Variants in STX3 observed in about 807,000 individuals in gnomAD.
STX3 encodes syntaxin-3.
A neutral mutation model predicts 40.2 loss-of-function variants in STX3; 19 were observed. The ratio of observed to expected loss-of-function variants is 0.47; its 90% CI spans 0.33 to 0.69. The LOEUF is 0.69. STX3 is among the 30% of genes least tolerant of loss of function. The probability of loss-of-function intolerance (pLI) is 0.02; values close to 1 mark genes in which losing one functional copy is unlikely to be tolerated. For synonymous variants in STX3, 122 were observed against 132.2 expected (o/e 0.92, Z 0.53); for missense variants, 364 against 366.7 (o/e 0.99, Z 0.06).
At position 59,799,622 on chromosome 11, in the gene STX3, C is replaced by T. The variant is rs1269173229; in HGVS notation, c.*31-1233C>T. The T allele has an allele frequency of 5.1e-6, 5 of 981,898 alleles. No homozygotes were observed. In the African/African-American group the frequency reaches 5.2e-5, roughly 10 times the overall value. The allele number at this position is 981,898 out of a possible 1,614,324, so 60.8% of individuals were successfully genotyped here. A position where few individuals can be genotyped will look rare whatever the true frequency, so the allele number is the denominator to read the frequency against. ...GTATAAACATTTTTAAGACTTGGCA[C>T]ATAATACCATGCCAGTACCCAGAGC... is the stretch of plus-strand genomic sequence containing the variant. On this transcript the variant is annotated intron_variant, in intron 10 of 10. Transcript: ENST00000337979.
chr11:59,781,994 T>A (rs568463757), intron 2 of STX3, among the ~76,000 whole-genome samples: 1 of 152,318 alleles, frequency 6.6e-6, no homozygotes, highest in South Asian at 2.1e-4. Context: ...CCTGGGAGTT[T>A]AGGAGAGGCC....
chr11:59,773,680 T>C (rs922448815), intron 2 of STX3, among the ~76,000 whole-genome samples: 1 of 152,150 alleles, frequency 6.6e-6, no homozygotes, highest in African/African-American at 2.4e-5. Flanking sequence ...ATCAAATGTG[T>C]AGTTTTGAAA....
rs1866016333 is a variant in STX3, at chr11:59,804,798, A to G, written c.*3974A>G. On this transcript the variant is annotated 3_prime_UTR_variant, in exon 11 of 11. Coordinates refer to ENST00000337979, the MANE Select transcript of STX3 (RefSeq NM_004177.5). ...CACTCTGTGAACCATAACAAAGAAC[A>G]GATAAAGGTGTCAAGTGAGAAAGGT... The G allele has an allele frequency of 1.3e-5, 2 of 152,166 alleles. No homozygotes were observed. Among genetic ancestry groups the G allele is most frequent in the African/African-American group, 4.8e-5 (2 of 41,412 alleles). The allele number at this position is 152,166 out of a possible 1,614,324, so 9.4% of individuals were successfully genotyped here. A position where few individuals can be genotyped will look rare whatever the true frequency, so the allele number is the denominator to read the frequency against.
chr11:59,791,783 T>A (rs769582554), intron 5 of STX3, among the ~76,000 whole-genome samples: 8 of 152,146 alleles, frequency 5.3e-5, no homozygotes, highest in Non-Finnish European at 8.8e-5. Context: ...AGTTTTAGAA[T>A]GCAAGCCAAG....
rs917247410 is a variant in STX3, at chr11:59,756,810, G to A, written c.30+1175G>A. On this transcript the variant is annotated intron_variant, in intron 1 of 10. Transcript: ENST00000337979. The stretch of plus-strand genomic sequence containing the variant: ...AGATGCTTAAGAACACTTTTAGGGT[G>A]CATGGCACGGGGGACTTAATAAATG... 7.9e-5 allele frequency among the ~76,000 whole-genome samples: 12 copies of A among 152,362 alleles called. 1 individual carries two copies. The South Asian group carries it at 2.5e-3, about 32-fold the overall frequency.
intron 8 of STX3, among the ~76,000 whole-genome samples, chr11:59,794,092 TTC>T (rs1865375613): frequency 6.6e-6 from 1 of 152,166 alleles, no homozygotes; most frequent in South Asian, 2.1e-4. Flanking sequence ...TCCATTTTTT[TTC>T]TGTTTGTATT....
At chr11:59,778,904 G>A (rs1170033477) in intron 2 of STX3, among the ~76,000 whole-genome samples, 14 of 143,688 alleles carry the variant, frequency 9.7e-5, no homozygotes, top group Non-Finnish European at 1.1e-4. Context: ...GTGTGATCTC[G>A]GCTCACTGCA....
rs1865892248 is a variant in STX3, at chr11:59,801,665, G to C, written c.*841G>C. 1 of 985,740 alleles carries C rather than the reference G, an allele frequency of 1.0e-6. No homozygotes were observed. Among genetic ancestry groups the C allele is most frequent in the Non-Finnish European group, 1.2e-6 (1 of 829,940 alleles). 61.1% of individuals were successfully genotyped at this position (985,740 alleles called of 1,614,324 possible). On this transcript the variant is annotated 3_prime_UTR_variant, in exon 11 of 11. Transcript: ENST00000337979. The stretch of plus-strand genomic sequence containing the variant: ...ATCAGGGATTTTAAATTGGGCAAGG[G>C]ACAAGGTGCTAGAATCCTAAGCTCT...
At chr11:59,760,477 C>T (rs985840827) in intron 1 of STX3, among the ~76,000 whole-genome samples, 3 of 151,452 alleles carry the variant, frequency 2.0e-5, no homozygotes, top group Admixed American at 6.6e-5. Context: ...AACCACTGTC[C>T]GTTGCTTTTT....
At chr11:59,781,827 C>T in intron 2 of STX3, 1 of 1,079,162 alleles carries the variant, frequency 9.3e-7, no homozygotes, top group Non-Finnish European at 1.3e-6. Flanking sequence ...ATGAAGACTG[C>T]TTGGGATTCT....
intron 1 of STX3, among the ~76,000 whole-genome samples, chr11:59,772,586 T>C (rs1863715796): frequency 6.6e-6 from 1 of 152,206 alleles, no homozygotes; most frequent in Non-Finnish European, 1.5e-5. Flanking sequence ...AGGAATTGTG[T>C]CTGGAACCTG....
chr11:59,795,544 TCTCTTCC>T, intron 9 of STX3, 62 bp downstream of exon 9: 3 of 1,556,192 alleles, frequency 1.9e-6, no homozygotes, highest in Non-Finnish European at 2.6e-6. Flanking sequence ...TCTCGCTCTT[TCTCTTCC>T]CTCTCCCTGT....
At chr11:59,784,023 C>G (rs2031182382) in intron 2 of STX3, among the ~76,000 whole-genome samples, 1 of 152,138 alleles carries the variant, frequency 6.6e-6, no homozygotes, top group South Asian at 2.1e-4. Flanking sequence ...GCGGATAGAG[C>G]ACCCAGGACC....
chr11:59,757,745 G>A (rs555773622), intron 1 of STX3, among the ~76,000 whole-genome samples: 25 of 145,446 alleles, frequency 1.7e-4, no homozygotes, highest in African/African-American at 5.8e-4. Flanking sequence ...GCTTCTTTGC[G>A]TCACTTCTCT....
chr11:59,800,749 A>G, intron 10 of STX3, 106 bp from the exon 11 acceptor site: 1 of 1,521,816 alleles, frequency 6.6e-7, no homozygotes, highest in Non-Finnish European at 8.8e-7. Flanking sequence ...TTTCATAGTG[A>G]TTTCTGGTCT....
chr11:59,775,701 A>T (rs1863928374), intron 2 of STX3, among the ~76,000 whole-genome samples: 1 of 152,190 alleles, frequency 6.6e-6, no homozygotes, highest in Non-Finnish European at 1.5e-5. Context: ...ATCATATGAG[A>T]TCACACATCT....
chr11:59,791,586 A>G (rs567877629), intron 5 of STX3, among the ~76,000 whole-genome samples: 29 of 152,272 alleles, frequency 1.9e-4, no homozygotes, highest in African/African-American at 6.7e-4. Context: ...CAAAGGAGAA[A>G]CCAGTAAGTA....
intron 1 of STX3, among the ~76,000 whole-genome samples, chr11:59,764,907 T>C (rs1863210880): frequency 6.7e-6 from 1 of 149,920 alleles, no homozygotes; most frequent in South Asian, 2.1e-4. Context: ...ATTATTATTA[T>C]TATTATTATT....
intron 10 of STX3, among the ~76,000 whole-genome samples, chr11:59,799,323 CAG>C (rs1865735006): frequency 8.1e-6 from 1 of 123,512 alleles, no homozygotes; most frequent in Non-Finnish European, 1.7e-5. Context: ...TTCACATACT[CAG>C]ACATAGTTTT....
Sources: allele counts gnomAD v4.1 joint callset (sites outside exome capture counted in the v4.1 genomes callset), GRCh38; gene constraint gnomAD v4.1.1; transcripts MANE v1.5; gene names NCBI Gene and HGNC (gene_info 2026-07-23, HGNC 2026-07-21).